The following SLC35G2 variants were observed in gnomAD, a reference collection of about 807,000 sequenced individuals.
The protein encoded by SLC35G2 is solute carrier family 35 member G2.
A neutral mutation model predicts 27.2 loss-of-function variants in SLC35G2; 20 were observed. That is an observed-to-expected ratio of 0.74 (90% CI 0.52 to 1.07). SLC35G2 has a LOEUF of 1.07. Ranked by LOEUF, SLC35G2 falls within the 50% of genes least tolerant of loss-of-function variation. The pLI is 0.00. For synonymous variants in SLC35G2, 148 were observed against 165.3 expected (o/e 0.90, Z 0.80); for missense variants, 416 against 493.3 (o/e 0.84, Z 1.48).
rs150971293 is a variant in SLC35G2 at position 136,825,514 on chromosome 3, T to C, written c.-19+5886T>C. On this transcript the variant is annotated intron_variant, in intron 1 of 1. Transcript: ENST00000446465. ...CCCTCAGCCTCCCAAAGTGCTGGGA[T>C]TACAGGCATGAGCCACCTTGCCCAG... Among the ~76,000 whole-genome samples the C allele has an allele frequency of 7.7e-3, 1,166 of 152,244 alleles. 19 individuals carry two copies. The highest frequency in any genetic ancestry group is 0.027 in the African/African-American group (1,132 of 41,540).
intron 1 of SLC35G2, among the ~76,000 whole-genome samples, chr3:136,848,767 C>G (rs1280099307): frequency 6.6e-6 from 1 of 152,162 alleles, no homozygotes; most frequent in African/African-American, 2.4e-5. Flanking sequence ...ATAATAGACC[C>G]TGGAGACTCT....
chr3:136,829,228 C>CT (rs531732492), intron 1 of SLC35G2, among the ~76,000 whole-genome samples: 113 of 144,418 alleles, frequency 7.8e-4, no homozygotes, highest in African/African-American at 1.3e-3. Context: ...CTTTAGATGA[C>CT]TTTTTTTTTT....
Position 136,819,523 on chromosome 3 carries a change from T to G in SLC35G2, c.-124T>G, listed in dbSNP as rs1936391347. On this transcript the variant is annotated 5_prime_UTR_variant, in exon 1 of 2. Coordinates refer to ENST00000446465, the MANE Select transcript of SLC35G2 (RefSeq NM_025246.3). ...GGGCCAGCATCGGCTACGGCCCGGT[T>G]TCCCGTTTCTTTCCGCTGTCGCGTG... 2 of 127,684 alleles carry G rather than the reference T, an allele frequency of 1.6e-5. No homozygotes were observed. Among genetic ancestry groups the G allele is most frequent in the South Asian group, 5.7e-4 (2 of 3,530 alleles). The allele number at this position is 127,684 out of a possible 1,614,324, so 7.9% of individuals were successfully genotyped here. A position where few individuals can be genotyped will look rare whatever the true frequency, so the allele number is the denominator to read the frequency against.
chr3:136,854,633 T>C lies in SLC35G2; in HGVS notation c.173T>C (p.Leu58Pro), dbSNP rs369727486. ...FMEENPKKGL[L>P]SEMKKKGRAF... ...GAGGAAAATCCAAAGAAAGGTCTGC[T>C]GAGTGAAATGAAAAAAAAAGGGAGA... The change falls in exon 2 of 2, where the codon CTG (leucine) becomes CCG (proline). Residue 58 changes from leucine to proline, a missense_variant. Leu to Pro is a moderately conservative substitution (Grantham distance 98, BLOSUM62 -3). Transcript: ENST00000446465. 1.2e-6 allele frequency: 2 copies of C among 1,613,486 alleles called. No homozygotes were observed. The highest frequency in any genetic ancestry group is 1.3e-5 in the African/African-American group (1 of 74,872).
intron 1 of SLC35G2, chr3:136,838,246 C>CATATATACAT (rs1418524199): frequency 7.1e-6 from 1 of 140,992 alleles, no homozygotes; most frequent in African/African-American, 2.7e-5. Context: ...GTAGCATATA[C>CATATATACAT]ATATATATAT....
intron 1 of SLC35G2, among the ~76,000 whole-genome samples, chr3:136,853,127 G>T (rs1407036692): frequency 6.6e-6 from 1 of 151,848 alleles, no homozygotes; most frequent in Non-Finnish European, 1.5e-5. Context: ...ACAGAGTCTC[G>T]CTCTGTCACC....
Position 136,855,106 on chromosome 3 carries a change from G to A in SLC35G2, c.646G>A (p.Glu216Lys). 1 of 1,614,170 alleles carries A rather than the reference G, an allele frequency of 6.2e-7. No individual in the cohort carries two copies. The highest frequency in any genetic ancestry group is 1.1e-5 in the South Asian group (1 of 91,078). The stretch of plus-strand genomic sequence containing the variant: ...CATTTTGGCTTTTTTACTCGTAGAT[G>A]AGAAAATGGCTTATGTTGACATGGC... ...SAILAFLLVD[E>K]KMAYVDMATV... is the part of the protein sequence containing the mutation. The change falls in exon 2 of 2, where the codon GAG becomes AAG. Residue 216 changes from glutamate to lysine, a missense_variant. Transcript: ENST00000446465.
chr3:136,853,304 C>T (rs1400878704), intron 1 of SLC35G2, among the ~76,000 whole-genome samples: 1 of 151,960 alleles, frequency 6.6e-6, no homozygotes, highest in Non-Finnish European at 1.5e-5. Context: ...CCATGTTGGC[C>T]AGGCTGGCCA....
chr3:136,834,558 G>C (rs951025905), intron 1 of SLC35G2, among the ~76,000 whole-genome samples: 1 of 152,158 alleles, frequency 6.6e-6, no homozygotes, highest in Admixed American at 6.5e-5. Flanking sequence ...TTGAACTCCT[G>C]ACCTCAGGTG....
At chr3:136,830,889 G>A (rs941673349) in intron 1 of SLC35G2, among the ~76,000 whole-genome samples, 2 of 151,990 alleles carry the variant, frequency 1.3e-5, no homozygotes, top group African/African-American at 4.8e-5. Flanking sequence ...CTATTTCATA[G>A]TTATAATTAT....
intron 1 of SLC35G2, among the ~76,000 whole-genome samples, chr3:136,835,189 A>G (rs887003609): frequency 6.6e-6 from 1 of 152,220 alleles, no homozygotes; most frequent in Non-Finnish European, 1.5e-5. Flanking sequence ...GTCTAGAATC[A>G]AAGTCAGGAT....
chr3:136,836,152 A>G (rs930687606), intron 1 of SLC35G2, among the ~76,000 whole-genome samples: 2 of 151,870 alleles, frequency 1.3e-5, no homozygotes, highest in African/African-American at 4.8e-5. Flanking sequence ...ACACACCCCT[A>G]TATCTATTTA....
chr3:136,829,278 G>A (rs958391640), intron 1 of SLC35G2, among the ~76,000 whole-genome samples: 1 of 151,678 alleles, frequency 6.6e-6, no homozygotes, highest in African/African-American at 2.4e-5. Context: ...CTGGAGTGCA[G>A]TGGCGCCATC....
At chr3:136,827,912 C>A (rs542839075) in intron 1 of SLC35G2, among the ~76,000 whole-genome samples, 11 of 151,760 alleles carry the variant, frequency 7.2e-5, no homozygotes, top group African/African-American at 2.4e-4. Flanking sequence ...CTGCAACTTC[C>A]ACCTCCTGGG....
At position 136,855,097 on chromosome 3, in the gene SLC35G2, C is replaced by T. The variant is rs1937928079; in HGVS notation, c.637C>T (p.Leu213Phe). Residue 213 changes from leucine (L) to phenylalanine (F), a missense_variant, in exon 2 of 2, where the codon CTC becomes TTC. Leu to Phe is a conservative substitution (Grantham distance 22). Coordinates refer to ENST00000446465, the MANE Select transcript of SLC35G2 (RefSeq NM_025246.3). Reference sequence around the variant, plus strand: ...CTTCAGTGCCATTTTGGCTTTTTTACTCGTAGATGAGAAAATGGCTTATGT... The same window carrying T: ...CTTCAGTGCCATTTTGGCTTTTTTATTCGTAGATGAGAAAATGGCTTATGT... ...TVFSAILAFLLVDEKMAYVDM... is the reference protein window; with the variant it reads ...TVFSAILAFLFVDEKMAYVDM... The T allele has an allele frequency of 2.5e-6, 4 of 1,614,180 alleles. No individual in the cohort carries two copies. The highest frequency in any genetic ancestry group is 3.4e-6 in the Non-Finnish European group (4 of 1,180,040).
chr3:136,837,748 A>T (rs1216354655), intron 1 of SLC35G2: 1 of 152,108 alleles, frequency 6.6e-6, no homozygotes, highest in African/African-American at 2.4e-5. Context: ...TTTGCTGGTG[A>T]TGATCTTAGG....
intron 1 of SLC35G2, among the ~76,000 whole-genome samples, chr3:136,833,604 A>G (rs1936790515): frequency 6.6e-6 from 1 of 152,184 alleles, no homozygotes; most frequent in Admixed American, 6.5e-5. Flanking sequence ...GAGTCTCATA[A>G]GGAACATGCA....
chr3:136,839,907 A>G (rs536625986), intron 1 of SLC35G2, among the ~76,000 whole-genome samples: 4 of 152,144 alleles, frequency 2.6e-5, no homozygotes, highest in African/African-American at 9.6e-5. Context: ...CTCATCTCCA[A>G]GTCCCTTAGT....
chr3:136,855,597 A>C lies in SLC35G2; in HGVS notation c.1137A>C (p.Val379=), dbSNP rs550623157. The C allele has an allele frequency of 4.3e-6, 7 of 1,614,060 alleles. 1 individual carries two copies. The South Asian group carries it at 7.7e-5, about 18-fold the overall frequency. ...FPSIYDVFGG[V]IIMISVFVLA... ...GCATCTATGATGTTTTTGGAGGGGT[A>C]ATCATTATGATTAGTGTTTTTGTCC... Residue 379 remains valine, a synonymous_variant, in exon 2 of 2, where the codon GTA becomes GTC. Transcript: ENST00000446465.
Sources: gnomAD v4.1 joint callset for allele counts (sites outside exome capture counted in the v4.1 genomes callset) on GRCh38, gnomAD v4.1.1 for gene constraint, MANE v1.5 for transcripts, NCBI Gene and HGNC (gene_info 2026-07-23, HGNC 2026-07-21) for gene names.